CNOT6: variants seen among roughly 807,000 people sequenced by gnomAD.
CNOT6 encodes the protein carbon catabolite repression 4 protein.
A neutral mutation model predicts 61.2 loss-of-function variants in CNOT6; 12 were observed. The ratio of observed to expected loss-of-function variants is 0.20; its 90% CI spans 0.13 to 0.32. CNOT6 has a LOEUF of 0.32. CNOT6 is among the 10% of genes least tolerant of loss of function. The probability of loss-of-function intolerance (pLI) is 1.00; values close to 1 mark genes in which losing one functional copy is unlikely to be tolerated. For missense variants in CNOT6, 405 were observed against 663.9 expected, an observed-to-expected ratio of 0.61 and a Z score of 4.28; for synonymous variants, 225 against 240.6, an observed-to-expected ratio of 0.94 and a Z score of 0.60.
chr5:180,564,868 A>T (rs1479630693), intron 6 of CNOT6, 125 bp downstream of exon 6: 2 of 726,552 alleles, frequency 2.8e-6, no homozygotes, highest in Non-Finnish European at 4.6e-6. Flanking sequence ...TTGGTTTGGG[A>T]GGTAATAAAA....
chr5:180,506,599 G>A (rs961350559), intron 1 of CNOT6, among the ~76,000 whole-genome samples: 14 of 152,156 alleles, frequency 9.2e-5, no homozygotes, highest in Non-Finnish European at 1.6e-4. Context: ...TTATTTTGCC[G>A]TAGCGTGTCA....
intron 10 of CNOT6, among the ~76,000 whole-genome samples, chr5:180,570,127 G>A (rs1372832680): frequency 1.3e-5 from 2 of 152,182 alleles, no homozygotes; most frequent in African/African-American, 2.4e-5. Context: ...GGGGGCCCAG[G>A]TGGGCAGATC....
In CNOT6 at chr5:180,540,769, C is replaced by T. The variant is rs994163644; in HGVS notation, c.113-9162C>T. Among the ~76,000 whole-genome samples the T allele has an allele frequency of 6.6e-5, 10 of 152,178 alleles. 1 individual carries two copies. On this transcript the variant is annotated intron_variant, in intron 2 of 11. Transcript: ENST00000261951. ...TGTATTTCTGTTTCTCCTCTCCTGG[C>T]CTCTATGCTATTGTAGTCATGTATG...
At chr5:180,516,988 A>G (rs544402261) in intron 1 of CNOT6, among the ~76,000 whole-genome samples, 55 of 152,322 alleles carry the variant, frequency 3.6e-4, no homozygotes, top group Middle Eastern at 6.8e-3. Flanking sequence ...CCTCCATAGT[A>G]TTGGTAAGAT....
chr5:180,539,505 TATTAAAATA>T (rs1758906583), intron 2 of CNOT6, among the ~76,000 whole-genome samples: 1 of 150,666 alleles, frequency 6.6e-6, no homozygotes, highest in Non-Finnish European at 1.5e-5. Flanking sequence ...TATAGCAACT[TATTAAAATA>T]ATTTTTTTGG....
At chr5:180,502,302 C>T (rs1369434223) in intron 1 of CNOT6, among the ~76,000 whole-genome samples, 1 of 152,160 alleles carries the variant, frequency 6.6e-6, no homozygotes, top group Non-Finnish European at 1.5e-5. Flanking sequence ...AACTCTTTCT[C>T]ATTAGCGATA....
At chr5:180,519,206 G>T (rs1323865660) in intron 1 of CNOT6, among the ~76,000 whole-genome samples, 1 of 152,218 alleles carries the variant, frequency 6.6e-6, no homozygotes, top group Admixed American at 6.5e-5. Flanking sequence ...TTGAAACAAA[G>T]ACTGTTGGTT....
Position 180,561,355 on chromosome 5 carries a change from TTTGTGTG to T in CNOT6, c.386-3132_386-3126del, listed in dbSNP as rs1238076948. 2.4e-3 allele frequency among the ~76,000 whole-genome samples: 257 copies of T among 106,108 alleles called. 2 individuals carry two copies. The highest frequency in any genetic ancestry group is 7.8e-3 in the African/African-American group (230 of 29,562). 69.6% of individuals were successfully genotyped at this position (106,108 alleles called of 152,430 possible). On this transcript the variant is annotated intron_variant, in intron 4 of 11. Coordinates refer to ENST00000261951, the MANE Select transcript of CNOT6 (RefSeq NM_001370472.1). ...TCAGTCTTCCTGTTTTCTTGTGTGT[TTTGTGTG>T]TGTGTGTGTGTGTGTGTGTGTGTGT... is the stretch of plus-strand genomic sequence containing the variant.
intron 1 of CNOT6, among the ~76,000 whole-genome samples, chr5:180,515,762 T>G (rs74663489): frequency 0.019 from 2,969 of 152,272 alleles, 90 homozygotes; most frequent in African/African-American, 0.066. Context: ...AGTTTATTTC[T>G]TCCTCCTTAC....
chr5:180,539,359 C>A (rs1193246605), intron 2 of CNOT6, among the ~76,000 whole-genome samples: 1 of 151,074 alleles, frequency 6.6e-6, no homozygotes, highest in Non-Finnish European at 1.5e-5. Flanking sequence ...TATTAGGCTC[C>A]TTGTAGTTTA....
Position 180,569,129 on chromosome 5 carries a change from A to T in CNOT6, c.1047A>T (p.Gly349=), listed in dbSNP as rs781711611. The change falls in exon 10 of 12, where the codon GGA becomes GGT. Residue 349 remains glycine, a synonymous_variant. Transcript: ENST00000261951. ...IEMPSGKPHL[G]TEKQLILVAN... Reference sequence around the variant, plus strand: ...ATGTAGCCGGAAAGCCACATCTTGGAACAGAAAAACAACTTATTCTTGTGG... The same window carrying T: ...ATGTAGCCGGAAAGCCACATCTTGGTACAGAAAAACAACTTATTCTTGTGG... The T allele has an allele frequency of 3.1e-6, 5 of 1,613,908 alleles. No homozygotes were observed. The highest frequency in any genetic ancestry group is 4.2e-6 in the Non-Finnish European group (5 of 1,179,884).
intron 1 of CNOT6, among the ~76,000 whole-genome samples, chr5:180,529,034 C>A (rs1467838901): frequency 6.6e-6 from 1 of 151,922 alleles, no homozygotes; most frequent in Non-Finnish European, 1.5e-5. Context: ...TATGGTGAAA[C>A]CCCGTCTGTA....
chr5:180,496,976 T>G (rs368330894), intron 1 of CNOT6, among the ~76,000 whole-genome samples: 4 of 152,366 alleles, frequency 2.6e-5, no homozygotes, highest in African/African-American at 4.8e-5. Flanking sequence ...AACTTGGTCC[T>G]AACTACAAAT....
chr5:180,547,608 C>T (rs892978597), intron 2 of CNOT6, among the ~76,000 whole-genome samples: 1 of 152,190 alleles, frequency 6.6e-6, no homozygotes, highest in Non-Finnish European at 1.5e-5. Context: ...TATCTTTGCT[C>T]CTCCCATATG....
chr5:180,541,929 A>G (rs984513898), intron 2 of CNOT6, among the ~76,000 whole-genome samples: 3 of 151,302 alleles, frequency 2.0e-5, no homozygotes, highest in African/African-American at 4.9e-5. Flanking sequence ...ATTGTGATAC[A>G]CTGCAGCCTC....
rs574242489 is a variant in CNOT6, at chr5:180,520,503, A to G, written c.-2-8772A>G. Among the ~76,000 whole-genome samples the G allele has an allele frequency of 7.4e-4, 112 of 152,086 alleles. No homozygotes were observed. The South Asian group carries it at 8.3e-3, about 11-fold the overall frequency. On this transcript the variant is annotated intron_variant, in intron 1 of 11. Transcript: ENST00000261951. ...CTAAAAATACAAAAATTAGCTGGGC[A>G]TGGTGGCGCCTGCCTGTAATCCCAG...
At chr5:180,552,492 A>C in intron 3 of CNOT6, among the ~76,000 whole-genome samples, 1 of 151,786 alleles carries the variant, frequency 6.6e-6, no homozygotes, top group Non-Finnish European at 1.5e-5. Flanking sequence ...ATACAAAAAA[A>C]AAAATTAGCT....
chr5:180,522,721 T>A (rs1757932545), intron 1 of CNOT6, among the ~76,000 whole-genome samples: 1 of 152,178 alleles, frequency 6.6e-6, no homozygotes, highest in South Asian at 2.1e-4. Context: ...TTATCTCTGC[T>A]CACTGTGGCC....
At chr5:180,564,944 G>A (rs1012418949) in intron 6 of CNOT6, among the ~76,000 whole-genome samples, 3 of 152,228 alleles carry the variant, frequency 2.0e-5, no homozygotes, top group Admixed American at 1.3e-4. Context: ...GTGCTATAAA[G>A]CAGTGCTTCT....
Sources: gnomAD v4.1 joint callset for allele counts (sites outside exome capture counted in the v4.1 genomes callset) on GRCh38, gnomAD v4.1.1 for gene constraint, MANE v1.5 for transcripts, NCBI Gene and HGNC (gene_info 2026-07-23, HGNC 2026-07-21) for gene names.